Variants in FRMPD1 observed in about 807,000 individuals in gnomAD.
FRMPD1 encodes FERM and PDZ domain-containing protein 1.
A neutral mutation model predicts 117.8 loss-of-function variants in FRMPD1; 76 were observed. The ratio of observed to expected loss-of-function variants is 0.65; its 90% CI spans 0.54 to 0.78. FRMPD1 has a LOEUF of 0.78. Among genes scored for constraint, FRMPD1 ranks in the 30% least tolerant of loss-of-function variants. FRMPD1 has a pLI of 0.00. For missense variants in FRMPD1, 1,786 were observed against 1,964.5 expected, an observed-to-expected ratio of 0.91 and a Z score of 1.72; for synonymous variants, 783 against 770.4, an observed-to-expected ratio of 1.02 and a Z score of -0.27.
At chr9:37,706,009 GA>G (rs914186134) in intron 2 of FRMPD1, among the ~76,000 whole-genome samples, 15 of 144,940 alleles carry the variant, frequency 1.0e-4, no homozygotes, top group Non-Finnish European at 1.8e-4. Flanking sequence ...ATAAAAGATT[GA>G]AAAAAAATCA....
At chr9:37,655,022 G>A (rs1467616617) in intron 1 of FRMPD1, among the ~76,000 whole-genome samples, 1 of 152,138 alleles carries the variant, frequency 6.6e-6, no homozygotes, top group Non-Finnish European at 1.5e-5. Context: ...GATGCATAAA[G>A]GGAAAGCAAG....
chr9:37,641,222 A>G, the FRMPD1 span, among the ~76,000 whole-genome samples: 1 of 152,320 alleles, frequency 6.6e-6, no homozygotes, highest in East Asian at 1.9e-4. Context: ...TCTTAATACC[A>G]GTCAATTTGC....
upstream of FRMPD1, among the ~76,000 whole-genome samples, chr9:37,649,512 C>G (rs929617746): frequency 6.6e-6 from 1 of 152,104 alleles, no homozygotes; most frequent in Non-Finnish European, 1.5e-5. Flanking sequence ...GGTGCAATTA[C>G]GTAGGAGGTC....
the FRMPD1 span, chr9:37,636,733 C>T: frequency 1.9e-6 from 3 of 1,588,986 alleles, no homozygotes; most frequent in Non-Finnish European, 2.6e-6. Context: ...TGCTGTCGAT[C>T]TTGAGATTGG....
At chr9:37,739,519 C>A (rs1224276266) in intron 14 of FRMPD1, among the ~76,000 whole-genome samples, 1 of 152,162 alleles carries the variant, frequency 6.6e-6, no homozygotes, top group African/African-American at 2.4e-5. Context: ...TCCTACAAAG[C>A]CCATAGCACC....
intron 1 of FRMPD1, among the ~76,000 whole-genome samples, chr9:37,652,564 CAGAG>C (rs1295542621): frequency 6.6e-6 from 1 of 152,188 alleles, no homozygotes; most frequent in East Asian, 1.9e-4. Context: ...ATTATGAAAT[CAGAG>C]AGCTGGTGAG....
chr9:37,672,055 G>A (rs1002442126), intron 1 of FRMPD1, among the ~76,000 whole-genome samples: 9 of 152,162 alleles, frequency 5.9e-5, no homozygotes, highest in Non-Finnish European at 1.2e-4. Context: ...CAACTGGGGG[G>A]AAATGGACTG....
rs1588945944 is a variant in FRMPD1 at position 37,707,969 on chromosome 9, A to G, written c.259+396A>G. Among the ~76,000 whole-genome samples, 3 of 152,348 alleles carry G rather than the reference A, an allele frequency of 2.0e-5. No homozygotes were observed. In the East Asian group the frequency reaches 5.8e-4, roughly 29 times the overall value. On this transcript the variant is annotated intron_variant, in intron 3 of 15. Coordinates refer to ENST00000377765, the MANE Select transcript of FRMPD1 (RefSeq NM_014907.3). ...TTTTCATTTGAACCTTGTGAAATAC[A>G]GGCTGTACCAGGGTGGAGAGGAGCA...
At chr9:37,736,053 G>A (rs553959827) in intron 13 of FRMPD1, among the ~76,000 whole-genome samples, 15 of 151,382 alleles carry the variant, frequency 9.9e-5, no homozygotes, top group Middle Eastern at 6.8e-3. Context: ...CAGGCTGGAG[G>A]GCAGTGACAC....
chr9:37,636,876 C>G, the FRMPD1 span: 188 of 1,611,130 alleles, frequency 1.2e-4, no homozygotes, highest in Non-Finnish European at 1.5e-4. Context: ...AAAGAGTCTG[C>G]AAACTCCTTG....
chr9:37,740,352 C>T lies in FRMPD1; in HGVS notation c.1824C>T (p.Ser608=), dbSNP rs759587226. Residue 608 remains serine, a synonymous_variant, in exon 15 of 16, where the codon TCC becomes TCT. Transcript: ENST00000377765. This position sits in a 1 kb window ranked among gnomAD's most constrained non-coding sequence, Gnocchi z 4.2. ...ACAGGACCAGTGGCTCGAGTGAGTC[C>T]ATGGACGCTCTGGAAGAGGATGACT... ...RGYRTSGSSE[S]MDALEEDDLD... is the part of the protein sequence containing the mutation. The T allele has an allele frequency of 3.1e-6, 5 of 1,613,680 alleles. No homozygotes were observed. The highest frequency in any genetic ancestry group is 2.7e-5 in the African/African-American group (2 of 75,054).
the FRMPD1 span, among the ~76,000 whole-genome samples, chr9:37,611,810 A>G: frequency 8.5e-5 from 13 of 152,218 alleles, no homozygotes; most frequent in Admixed American, 2.6e-4. Flanking sequence ...CTTGGCATAC[A>G]GTAAGCCTTC....
the FRMPD1 span, among the ~76,000 whole-genome samples, chr9:37,639,220 T>G: frequency 6.6e-6 from 1 of 152,194 alleles, no homozygotes; most frequent in African/African-American, 2.4e-5. Context: ...CTGTTCCATG[T>G]TGGGTTTTGC....
At chr9:37,689,991 C>CT (rs1822076806) in intron 1 of FRMPD1, among the ~76,000 whole-genome samples, 1 of 151,714 alleles carries the variant, frequency 6.6e-6, no homozygotes, top group Admixed American at 6.6e-5. Flanking sequence ...TGATGTGGGT[C>CT]TTTTTTCATT....
At chr9:37,717,674 G>A (rs1057447436) in intron 5 of FRMPD1, among the ~76,000 whole-genome samples, 3 of 152,052 alleles carry the variant, frequency 2.0e-5, no homozygotes, top group African/African-American at 4.8e-5. Context: ...GCCACTGCAC[G>A]CAGCCTGATT....
chr9:37,739,940 T>C (rs978835792), intron 14 of FRMPD1, 138 bp from the exon 15 acceptor site: 1 of 677,170 alleles, frequency 1.5e-6, no homozygotes, highest in African/African-American at 1.8e-5. Flanking sequence ...TGTTCGTCAG[T>C]ATAGGACGGT....
chr9:37,675,076 A>C (rs1183570645), intron 1 of FRMPD1, among the ~76,000 whole-genome samples: 2 of 152,110 alleles, frequency 1.3e-5, no homozygotes, highest in African/African-American at 4.8e-5. Context: ...AATAGATTGG[A>C]AGAGGAGCAA....
chr9:37,680,593 C>T (rs1409746913), intron 1 of FRMPD1, among the ~76,000 whole-genome samples: 3 of 152,060 alleles, frequency 2.0e-5, no homozygotes, highest in Non-Finnish European at 4.4e-5. Flanking sequence ...GGAATGCCAC[C>T]CTGGGGTGAT....
chr9:37,658,548 G>T (rs1266145670), intron 1 of FRMPD1, among the ~76,000 whole-genome samples: 1 of 152,178 alleles, frequency 6.6e-6, no homozygotes, highest in Non-Finnish European at 1.5e-5. Context: ...CGAGATGTTG[G>T]TAGTGCTGCT....
Sources: allele counts gnomAD v4.1 joint callset (sites outside exome capture counted in the v4.1 genomes callset), GRCh38; gene constraint gnomAD v4.1.1; non-coding constraint Gnocchi (gnomAD v3.1); transcripts MANE v1.5; gene names NCBI Gene and HGNC (gene_info 2026-07-23, HGNC 2026-07-21).